The following PRKN variants were observed in gnomAD, a reference collection of about 807,000 sequenced individuals.
The protein encoded by PRKN is parkin RBR E3 ubiquitin protein ligase.
A neutral mutation model predicts 59.5 loss-of-function variants in PRKN; 56 were observed. That is an observed-to-expected ratio of 0.94 (90% CI 0.76 to 1.18). PRKN has a LOEUF of 1.18. Among genes scored for constraint, PRKN ranks in the 50% most tolerant of loss-of-function variants. The pLI is 0.00. For synonymous variants in PRKN, 250 were observed against 222.1 expected (o/e 1.13, Z -1.12); for missense variants, 657 against 596.4 (o/e 1.10, Z -1.06).
intron 5 of PRKN, among the ~76,000 whole-genome samples, chr6:162,051,787 T>A (rs1200580057): frequency 6.6e-6 from 1 of 152,140 alleles, no homozygotes; most frequent in Non-Finnish European, 1.5e-5. Flanking sequence ...TCACCCACAC[T>A]ACCCTGGAGC....
intron 3 of PRKN, among the ~76,000 whole-genome samples, chr6:162,204,284 C>T (rs1425400015): frequency 2.6e-5 from 4 of 152,068 alleles, no homozygotes; most frequent in African/African-American, 9.7e-5. Flanking sequence ...TCTCGTCAAA[C>T]CAATTTAGGT....
chr6:161,368,398 T>C (rs1785308817), intron 10 of PRKN, among the ~76,000 whole-genome samples: 1 of 142,522 alleles, frequency 7.0e-6, no homozygotes, highest in African/African-American at 2.6e-5. Flanking sequence ...TATATATATA[T>C]ATATATATAT....
In PRKN at chr6:161,734,697, T is replaced by C. The variant is rs551598435; in HGVS notation, c.871+51075A>G. ...GCTAAAATTTAAAACAGTTGCTTTT[T>C]TCACTTGATGTTTTACAAATTCCAG... On this transcript the variant is annotated intron_variant, in intron 7 of 11. Coordinates refer to ENST00000366898, the MANE Select transcript of PRKN (RefSeq NM_004562.3). 2.8e-4 allele frequency among the ~76,000 whole-genome samples: 43 copies of C among 152,356 alleles called. No individual in the cohort carries two copies. The South Asian group carries it at 7.3e-3, about 26-fold the overall frequency.
At chr6:161,392,378 T>A (rs1786551191) in intron 9 of PRKN, among the ~76,000 whole-genome samples, 1 of 151,800 alleles carries the variant, frequency 6.6e-6, no homozygotes, top group Admixed American at 6.5e-5. Context: ...GGTGAGACTC[T>A]GTCTCCAAAA....
chr6:161,742,330 G>A (rs184772129), intron 7 of PRKN, among the ~76,000 whole-genome samples: 18 of 152,254 alleles, frequency 1.2e-4, no homozygotes, highest in South Asian at 2.1e-4. Flanking sequence ...TGTAAGATGC[G>A]TCTTGCTTCC....
intron 7 of PRKN, among the ~76,000 whole-genome samples, chr6:161,636,982 C>T (rs546289078): frequency 5.9e-5 from 9 of 152,284 alleles, no homozygotes; most frequent in Non-Finnish European, 1.2e-4. Flanking sequence ...AAAAGTGCCA[C>T]GCCATCACAT....
At chr6:162,483,130 A>G (rs1348004864) in intron 1 of PRKN, among the ~76,000 whole-genome samples, 1 of 152,184 alleles carries the variant, frequency 6.6e-6, no homozygotes, top group East Asian at 1.9e-4. Context: ...CAGAAGACAA[A>G]CATAATGTGA....
Position 162,637,317 on chromosome 6 carries a change from C to T in PRKN, c.7+90345G>A, listed in dbSNP as rs373616991. ...AGCAGCAGCAAAATAAAGTTAGAGACATCCACCATCAGATTGAGATTTCAG... is the reference window on the plus strand; with the variant it reads ...AGCAGCAGCAAAATAAAGTTAGAGATATCCACCATCAGATTGAGATTTCAG... On this transcript the variant is annotated intron_variant, in intron 1 of 11. Coordinates refer to ENST00000366898, the MANE Select transcript of PRKN (RefSeq NM_004562.3). Among the ~76,000 whole-genome samples, 3 of 124,180 alleles carry T rather than the reference C, an allele frequency of 2.4e-5. No homozygotes were observed. In the South Asian group the frequency reaches 7.9e-4, roughly 33 times the overall value. 81.5% of individuals were successfully genotyped at this position (124,180 alleles called of 152,430 possible). A position where few individuals can be genotyped will look rare whatever the true frequency, so the allele number is the denominator to read the frequency against.
At chr6:162,266,668 A>G (rs1165038053) in intron 2 of PRKN, among the ~76,000 whole-genome samples, 17 of 152,186 alleles carry the variant, frequency 1.1e-4, no homozygotes, top group Admixed American at 1.1e-3. Flanking sequence ...ATTTTGGCAA[A>G]TGATTCTTCC....
At chr6:162,000,568 T>C (rs2128262608) in intron 5 of PRKN, among the ~76,000 whole-genome samples, 1 of 152,158 alleles carries the variant, frequency 6.6e-6, no homozygotes, top group Non-Finnish European at 1.5e-5. Context: ...TCATTAGAGA[T>C]GTCTATTTAA....
intron 7 of PRKN, among the ~76,000 whole-genome samples, chr6:161,685,180 G>A (rs73783337): frequency 0.013 from 1,993 of 151,692 alleles, 42 homozygotes; most frequent in African/African-American, 0.046. Flanking sequence ...ACTCTTGCTC[G>A]GCAGTTTTTT....
intron 7 of PRKN, among the ~76,000 whole-genome samples, chr6:161,637,773 T>C (rs1783582372): frequency 6.6e-6 from 1 of 151,874 alleles, no homozygotes; most frequent in African/African-American, 2.4e-5. Flanking sequence ...TTGGCCCCAA[T>C]TCTGTTTAGG....
chr6:161,680,472 A>G (rs1461885455), intron 7 of PRKN, among the ~76,000 whole-genome samples: 2 of 152,046 alleles, frequency 1.3e-5, no homozygotes, highest in African/African-American at 2.4e-5. Flanking sequence ...AGTGGCCTAA[A>G]TGAGGGGTGC....
intron 4 of PRKN, among the ~76,000 whole-genome samples, chr6:162,187,939 C>T (rs1784099536): frequency 6.6e-6 from 1 of 152,136 alleles, no homozygotes; most frequent in Non-Finnish European, 1.5e-5. Flanking sequence ...AATTGTAACT[C>T]CCACAATTCC....
intron 1 of PRKN, among the ~76,000 whole-genome samples, chr6:162,676,236 T>C (rs1234445022): frequency 6.6e-6 from 1 of 152,086 alleles, no homozygotes; most frequent in African/African-American, 2.4e-5. Flanking sequence ...CCAACCATAA[T>C]GAAATGATGC....
In PRKN at chr6:162,271,814, T is replaced by C. The variant is rs561626688; in HGVS notation, c.172-9049A>G. On this transcript the variant is annotated intron_variant, in intron 2 of 11. Coordinates refer to ENST00000366898, the MANE Select transcript of PRKN (RefSeq NM_004562.3). ...ACTATCCTTTCAAACTGATCCTTCA[T>C]TTAAAAAAAGGGGGACTTCTAAAAG... Among the ~76,000 whole-genome samples, 102 of 152,234 alleles carry C rather than the reference T, an allele frequency of 6.7e-4. 1 individual carries two copies. The highest frequency in any genetic ancestry group is 2.0e-3 in the African/African-American group (84 of 41,548).
intron 1 of PRKN, among the ~76,000 whole-genome samples, chr6:162,445,689 TAAAAAAAAAAAAAAAAAAAAAAAAA>T (rs71004091): frequency 7.0e-5 from 2 of 28,730 alleles, no homozygotes; most frequent in Non-Finnish European, 1.1e-4. Context: ...AGACCTTGTC[TAAAAAAAAAAAAAAAAAAAAAAAAA>T]AAAAAAAAAA....
intron 1 of PRKN, among the ~76,000 whole-genome samples, chr6:162,706,218 C>T (rs1049596504): frequency 6.6e-6 from 1 of 150,822 alleles, no homozygotes; most frequent in African/African-American, 2.4e-5. Flanking sequence ...ATTAAAGAGG[C>T]AAATGAAGGA....
At chr6:162,298,170 G>GGAGAGAGAGA (rs113066522) in intron 2 of PRKN, among the ~76,000 whole-genome samples, 1 of 148,808 alleles carries the variant, frequency 6.7e-6, no homozygotes, top group Non-Finnish European at 1.5e-5. Context: ...CAGACGGAGG[G>GGAGAGAGAGA]GAGAGAGAGA....
Sources: gnomAD v4.1 joint callset for allele counts (sites outside exome capture counted in the v4.1 genomes callset) on GRCh38, gnomAD v4.1.1 for gene constraint, MANE v1.5 for transcripts, NCBI Gene and HGNC (gene_info 2026-07-23, HGNC 2026-07-21) for gene names.